Variants in CLNK observed in about 807,000 individuals in gnomAD.
The protein encoded by CLNK is cytokine dependent hematopoietic cell linker.
A neutral mutation model predicts 68.6 loss-of-function variants in CLNK; 74 were observed. That is an observed-to-expected ratio of 1.08 (90% confidence interval 0.89 to 1.31). The LOEUF is 1.31. Among genes scored for constraint, CLNK ranks in the 50% most tolerant of loss-of-function variants. CLNK has a pLI of 0.00. For missense variants in CLNK, 553 were observed against 515.3 expected (o/e 1.07, Z -0.71); for synonymous variants, 198 against 172.2 (o/e 1.15, Z -1.17).
intron 1 of CLNK, among the ~76,000 whole-genome samples, chr4:10,671,456 T>A (rs1724635830): frequency 6.6e-6 from 1 of 151,454 alleles, no homozygotes; most frequent in South Asian, 2.1e-4. Flanking sequence ...AGCCACAAAG[T>A]GTCATCAGCA....
At chr4:10,715,132 T>G in the CLNK span, among the ~76,000 whole-genome samples, 1 of 152,192 alleles carries the variant, frequency 6.6e-6, no homozygotes, top group Non-Finnish European at 1.5e-5. Flanking sequence ...ATTGTCAAAG[T>G]GTGTCTTTCA....
At chr4:10,652,967 T>A (rs951368141) in intron 2 of CLNK, among the ~76,000 whole-genome samples, 5 of 151,982 alleles carry the variant, frequency 3.3e-5, no homozygotes, top group African/African-American at 1.2e-4. Context: ...ATAGACTGGA[T>A]AACGAAAATA....
the CLNK span, among the ~76,000 whole-genome samples, chr4:10,695,961 C>T: frequency 1.3e-5 from 2 of 151,690 alleles, no homozygotes; most frequent in Non-Finnish European, 2.9e-5. Flanking sequence ...GTTCAAGCAA[C>T]TCTCCTGCCT....
chr4:10,552,681 C>G (rs778134152), intron 8 of CLNK, among the ~76,000 whole-genome samples: 12 of 152,092 alleles, frequency 7.9e-5, no homozygotes, highest in Non-Finnish European at 1.3e-4. Context: ...TCCCTTCCCC[C>G]AAACTGCCTT....
chr4:10,531,717 A>T (rs749963555), intron 12 of CLNK: 2 of 456,718 alleles, frequency 4.4e-6, no homozygotes, highest in South Asian at 3.1e-5. Context: ...CTGGGATTAC[A>T]GGCGTGAGCC....
chr4:10,607,153 C>A (rs2079684), intron 2 of CLNK, among the ~76,000 whole-genome samples: 1 of 152,326 alleles, frequency 6.6e-6, no homozygotes, highest in Admixed American at 6.5e-5. Flanking sequence ...GTCTGAGGAA[C>A]GGGGGAAAAG....
chr4:10,566,101 T>C lies in CLNK; in HGVS notation c.200A>G (p.Asp67Gly), dbSNP rs930513182. 4 of 1,613,950 alleles carry C rather than the reference T, an allele frequency of 2.5e-6. No homozygotes were observed. Among genetic ancestry groups the C allele is most frequent in the Middle Eastern group, 1.6e-4 (1 of 6,062 alleles). Reference sequence around the variant, plus strand: ...CCGAAGCTCAGGGTCATCATAGTCATCATCACTGTGGCCTTTTGCTCCATC... The same window carrying C: ...CCGAAGCTCAGGGTCATCATAGTCACCATCACTGTGGCCTTTTGCTCCATC... The part of the protein sequence containing the change: ...VLDGAKGHSD[D>G]DYDDPELRME... Residue 67 changes from aspartate to glycine, a missense_variant, in exon 6 of 19, where the codon GAT becomes GGT. Physicochemically the swap from Asp to Gly is moderately conservative, Grantham distance 94 (BLOSUM62 -1). Coordinates refer to ENST00000226951, the MANE Select transcript of CLNK (RefSeq NM_052964.4).
At chr4:10,624,267 T>C (rs1332419433) in intron 2 of CLNK, among the ~76,000 whole-genome samples, 1 of 152,192 alleles carries the variant, frequency 6.6e-6, no homozygotes, top group African/African-American at 2.4e-5. Context: ...CCTCCAGCCA[T>C]GTTAAACAGT....
intron 2 of CLNK, among the ~76,000 whole-genome samples, chr4:10,640,593 C>A (rs949559028): frequency 2.0e-5 from 3 of 152,186 alleles, no homozygotes; most frequent in Non-Finnish European, 2.9e-5. Flanking sequence ...TTAAGGAAAC[C>A]GCATGAACAT....
At chr4:10,612,750 A>C (rs1302749665) in intron 2 of CLNK, among the ~76,000 whole-genome samples, 1 of 152,204 alleles carries the variant, frequency 6.6e-6, no homozygotes, top group Non-Finnish European at 1.5e-5. Context: ...GGGTTTTCAA[A>C]GCACTTATCA....
At chr4:10,552,724 A>C (rs1383547917) in intron 8 of CLNK, among the ~76,000 whole-genome samples, 3 of 152,020 alleles carry the variant, frequency 2.0e-5, no homozygotes, top group African/African-American at 7.2e-5. Context: ...TTTGAATGAG[A>C]CGATTTGTGT....
chr4:10,608,139 G>A (rs542199087), intron 2 of CLNK, among the ~76,000 whole-genome samples: 4 of 152,276 alleles, frequency 2.6e-5, no homozygotes, highest in African/African-American at 9.6e-5. Flanking sequence ...CCGGACCCCT[G>A]CAAGAATTCC....
chr4:10,613,921 G>T (rs895948923), intron 2 of CLNK, among the ~76,000 whole-genome samples: 8 of 152,210 alleles, frequency 5.3e-5, no homozygotes, highest in African/African-American at 1.9e-4. Flanking sequence ...CTCACCTGGA[G>T]AATGTGCTTA....
intron 2 of CLNK, among the ~76,000 whole-genome samples, chr4:10,636,173 A>C (rs1723080433): frequency 6.6e-6 from 1 of 152,126 alleles, no homozygotes; most frequent in African/African-American, 2.4e-5. Flanking sequence ...TGTGAATGTG[A>C]ATTTATTTGG....
intron 5 of CLNK, among the ~76,000 whole-genome samples, chr4:10,568,584 A>G (rs1720215570): frequency 1.3e-5 from 2 of 152,276 alleles, no homozygotes; most frequent in Non-Finnish European, 2.9e-5. Context: ...AGAAAGAAAG[A>G]GAGATCTGGC....
chr4:10,496,011 C>T (rs1040195282), intron 18 of CLNK, among the ~76,000 whole-genome samples: 1 of 152,178 alleles, frequency 6.6e-6, no homozygotes, highest in Non-Finnish European at 1.5e-5. Context: ...GGACTCCTGG[C>T]CTCCAGCACT....
intron 18 of CLNK, among the ~76,000 whole-genome samples, chr4:10,500,430 C>G (rs1716991378): frequency 6.6e-6 from 1 of 152,196 alleles, no homozygotes; most frequent in Non-Finnish European, 1.5e-5. Flanking sequence ...CCTGTAATCC[C>G]AGCACTTTGG....
chr4:10,675,324 G>A (rs770647655), intron 1 of CLNK, among the ~76,000 whole-genome samples: 3 of 152,170 alleles, frequency 2.0e-5, no homozygotes, highest in Non-Finnish European at 4.4e-5. Context: ...CCCACCTGGG[G>A]TCTGAGTGAA....
rs527290871 is a variant in CLNK, at chr4:10,524,067, A to G, written c.731+1774T>C. ...GGAAGGAAGGAAGAAAAAACAAAAG[A>G]AAGAAAGAAAGAAAAGAGAAGAGGA... On this transcript the variant is annotated intron_variant, in intron 14 of 18. Coordinates refer to ENST00000226951, the MANE Select transcript of CLNK (RefSeq NM_052964.4). The G allele has an allele frequency of 7.7e-3, 1,381 of 178,912 alleles. 10 individuals are homozygous for G. Among genetic ancestry groups the G allele is most frequent in the Middle Eastern group, 0.03 (51 of 1,686 alleles). 11.1% of individuals were successfully genotyped at this position (178,912 alleles called of 1,614,324 possible). A position where few individuals can be genotyped will look rare whatever the true frequency, so the allele number is the denominator to read the frequency against.
Sources: allele counts gnomAD v4.1 joint callset (sites outside exome capture counted in the v4.1 genomes callset), GRCh38; gene constraint gnomAD v4.1.1; transcripts MANE v1.5; gene names NCBI Gene and HGNC (gene_info 2026-07-23, HGNC 2026-07-21).